The following TUT4 variants were observed in gnomAD, a reference collection of about 807,000 sequenced individuals.
TUT4 encodes terminal uridylyltransferase 4.
Under a neutral mutation model 192.2 loss-of-function variants are expected in TUT4, and 36 were observed. The observed-to-expected ratio is 0.19, with a 90% CI of 0.14 to 0.25. TUT4 has a LOEUF of 0.25. TUT4 is among the 10% of genes least tolerant of loss of function. The pLI is 1.00. For missense variants in TUT4, 1,493 were observed against 1,957.2 expected (o/e 0.76, Z 4.47); for synonymous variants, 618 against 666.0 (o/e 0.93, Z 1.11).
rs1186461761 is a variant in TUT4, at chr1:52,461,788, A to G, written c.3070-19T>C. ...TTAATTTCTAAAAAACAAATCAAAT[A>G]AATAAGTTTGACTCAATTTCACCTT... On this transcript the variant is annotated intron_variant, in intron 16 of 29. Coordinates refer to ENST00000257177, the MANE Select transcript of TUT4 (RefSeq NM_001009881.3). The G allele has an allele frequency of 2.3e-6, 3 of 1,302,546 alleles. No individual in the cohort carries two copies. Among genetic ancestry groups the G allele is most frequent in the Non-Finnish European group, 3.2e-6 (3 of 944,240 alleles). 80.7% of individuals were successfully genotyped at this position (1,302,546 alleles called of 1,614,324 possible). A position where few individuals can be genotyped will look rare whatever the true frequency, so the allele number is the denominator to read the frequency against.
At chr1:52,527,753 T>A (rs1682207198) in intron 1 of TUT4, among the ~76,000 whole-genome samples, 1 of 152,120 alleles carries the variant, frequency 6.6e-6, no homozygotes, top group Non-Finnish European at 1.5e-5. Context: ...TGTAGGTTCA[T>A]CCACTGTAAT....
chr1:52,494,130 T>C (rs534781677), intron 6 of TUT4, among the ~76,000 whole-genome samples: 190 of 152,252 alleles, frequency 1.2e-3, no homozygotes, highest in African/African-American at 4.2e-3. Flanking sequence ...CAACAAATCT[T>C]GTTCAAAGAA....
intron 28 of TUT4, 40 bp from the exon 29 acceptor site, chr1:52,425,547 T>A: frequency 6.4e-7 from 1 of 1,562,486 alleles, no homozygotes; most frequent in Non-Finnish European, 8.7e-7. Flanking sequence ...TTAAAAACAT[T>A]AGTTCATTCA....
chr1:52,496,521 G>A (rs933934437), intron 5 of TUT4, among the ~76,000 whole-genome samples: 4 of 151,886 alleles, frequency 2.6e-5, no homozygotes, highest in Non-Finnish European at 5.9e-5. Flanking sequence ...CTATACTGAT[G>A]CAAAAAAGAT....
intron 14 of TUT4, among the ~76,000 whole-genome samples, chr1:52,469,237 G>A (rs144394178): frequency 1.4e-3 from 208 of 152,240 alleles, no homozygotes; most frequent in African/African-American, 4.6e-3. Flanking sequence ...AATGTAGACT[G>A]TGACAAAATA....
intron 8 of TUT4, among the ~76,000 whole-genome samples, chr1:52,489,259 T>C (rs1044238938): frequency 4.6e-5 from 7 of 152,236 alleles, no homozygotes; most frequent in African/African-American, 4.8e-5. Flanking sequence ...TAACATTCAT[T>C]TGTACTTCAG....
chr1:52,510,081 G>A (rs930197294), intron 3 of TUT4, among the ~76,000 whole-genome samples: 3 of 151,970 alleles, frequency 2.0e-5, no homozygotes, highest in African/African-American at 4.8e-5. Flanking sequence ...GGAGGACGAC[G>A]CTGGCAGATC....
rs142124867 is a variant in TUT4, at chr1:52,465,569, C to T, written c.2966-396G>A. 5.0e-3 allele frequency among the ~76,000 whole-genome samples: 765 copies of T among 152,316 alleles called. 8 individuals are homozygous for T. Among genetic ancestry groups the T allele is most frequent in the African/African-American group, 0.017 (708 of 41,558 alleles). On this transcript the variant is annotated intron_variant, in intron 15 of 29. Coordinates refer to ENST00000257177, the MANE Select transcript of TUT4 (RefSeq NM_001009881.3). ...GTCCACATCCAAACAATCATTGAGA[C>T]TTTTAGCTTTTTCCGACTTACATAA...
intron 4 of TUT4, among the ~76,000 whole-genome samples, chr1:52,508,388 G>T (rs2149291662): frequency 6.6e-6 from 1 of 151,364 alleles, no homozygotes; most frequent in East Asian, 1.9e-4. Context: ...CTAATGATAG[G>T]CATCTTCTGA....
At chr1:52,451,175 A>T (rs1659292748) in intron 20 of TUT4, among the ~76,000 whole-genome samples, 1 of 151,860 alleles carries the variant, frequency 6.6e-6, no homozygotes. Flanking sequence ...CTGAGGCAGG[A>T]GAATGGCGTG....
chr1:52,541,923 A>G (rs1686804004), intron 1 of TUT4, among the ~76,000 whole-genome samples: 2 of 152,234 alleles, frequency 1.3e-5, no homozygotes, highest in Admixed American at 1.3e-4. Flanking sequence ...TATTCACGAT[A>G]GCCAAAATGT....
intron 24 of TUT4, among the ~76,000 whole-genome samples, chr1:52,442,068 C>T (rs1655780053): frequency 6.7e-6 from 1 of 149,304 alleles, no homozygotes; most frequent in South Asian, 2.1e-4. Context: ...CTCTGGAGGC[C>T]AAGGCAGGAC....
chr1:52,536,802 C>T (rs867899948), intron 1 of TUT4, among the ~76,000 whole-genome samples: 7 of 151,686 alleles, frequency 4.6e-5, no homozygotes, highest in Admixed American at 6.6e-5. Context: ...TGCAGTGAGC[C>T]GAGACTGTGC....
chr1:52,438,867 C>T (rs182082578), intron 24 of TUT4, among the ~76,000 whole-genome samples: 4 of 152,104 alleles, frequency 2.6e-5, no homozygotes, highest in African/African-American at 9.6e-5. Context: ...GTCAGGAGTT[C>T]GAGACCAGCC....
chr1:52,481,111 C>G (rs1204243919), intron 11 of TUT4, among the ~76,000 whole-genome samples: 1 of 152,236 alleles, frequency 6.6e-6, no homozygotes, highest in African/African-American at 2.4e-5. Flanking sequence ...CAATTGGCAA[C>G]AAAATTCCCA....
intron 7 of TUT4, among the ~76,000 whole-genome samples, chr1:52,491,459 G>T (rs963081757): frequency 2.6e-5 from 4 of 152,172 alleles, no homozygotes; most frequent in African/African-American, 9.7e-5. Flanking sequence ...GGAGGCCGAG[G>T]TGGGTGGATC....
chr1:52,497,347 T>C (rs1397630437), intron 4 of TUT4, among the ~76,000 whole-genome samples, 164 bp from the exon 5 acceptor site: 1 of 152,202 alleles, frequency 6.6e-6, no homozygotes, highest in Non-Finnish European at 1.5e-5. Context: ...CTTCTGCCTT[T>C]GGGAAGCAGG....
chr1:52,451,868 C>T (rs956414546), intron 20 of TUT4, among the ~76,000 whole-genome samples: 1 of 150,842 alleles, frequency 6.6e-6, no homozygotes, highest in Non-Finnish European at 1.5e-5. Flanking sequence ...ACACAATATG[C>T]CAAAACTCAC....
intron 1 of TUT4, chr1:52,529,646 A>T (rs1378718476): frequency 2.6e-5 from 4 of 152,226 alleles, no homozygotes; most frequent in Non-Finnish European, 5.9e-5. Flanking sequence ...ATGCTGATTC[A>T]CAATTTTGCT....
Sources: allele counts gnomAD v4.1 joint callset (sites outside exome capture counted in the v4.1 genomes callset), GRCh38; gene constraint gnomAD v4.1.1; transcripts MANE v1.5; gene names NCBI Gene and HGNC (gene_info 2026-07-23, HGNC 2026-07-21).